Variants in ARHGEF26 observed in about 807,000 individuals in gnomAD.
ARHGEF26 encodes Rho guanine nucleotide exchange factor 26, also known as Rho guanine nucleotide exchange factor (GEF) 26.
A neutral mutation model predicts 89.4 loss-of-function variants in ARHGEF26; 59 were observed. That is an observed-to-expected ratio of 0.66 (90% CI 0.54 to 0.82). The LOEUF (loss-of-function observed/expected upper bound fraction) is 0.82. Among genes scored for constraint, ARHGEF26 ranks in the 40% least tolerant of loss-of-function variants. The pLI is 0.00. For synonymous variants in ARHGEF26, 500 were observed against 428.4 expected (o/e 1.17, Z -2.06); for missense variants, 1,234 against 1,085.6 (o/e 1.14, Z -1.92).
At chr3:154,145,935 A>G (rs537994316) in intron 4 of ARHGEF26, among the ~76,000 whole-genome samples, 1 of 152,324 alleles carries the variant, frequency 6.6e-6, no homozygotes, top group African/African-American at 2.4e-5. Flanking sequence ...GTTCTCTGCA[A>G]GGTGGAGATG....
At chr3:154,145,050 T>A (rs1719617136) in intron 4 of ARHGEF26, among the ~76,000 whole-genome samples, 1 of 152,206 alleles carries the variant, frequency 6.6e-6, no homozygotes, top group Admixed American at 6.5e-5. Context: ...TCTGGCCCTT[T>A]GAAATTTGTG....
At chr3:154,166,073 G>A (rs1219368188) in intron 6 of ARHGEF26, among the ~76,000 whole-genome samples, 1 of 151,952 alleles carries the variant, frequency 6.6e-6, no homozygotes, top group African/African-American at 2.4e-5. Flanking sequence ...ACAGAGTCTC[G>A]CTCTATTGCC....
At chr3:154,246,935 AGTT>A (rs1717833540) in intron 12 of ARHGEF26, among the ~76,000 whole-genome samples, 1 of 152,084 alleles carries the variant, frequency 6.6e-6, no homozygotes, top group African/African-American at 2.4e-5. Context: ...ACGTGCAGTG[AGTT>A]GTTAGCTAGT....
chr3:154,150,445 A>C (rs1254609732), intron 5 of ARHGEF26, among the ~76,000 whole-genome samples: 1 of 152,134 alleles, frequency 6.6e-6, no homozygotes, highest in Admixed American at 6.5e-5. Flanking sequence ...ATACACACAC[A>C]TATTTGTGCA....
At chr3:154,205,075 A>G (rs1323715815) in intron 9 of ARHGEF26, among the ~76,000 whole-genome samples, 2 of 152,162 alleles carry the variant, frequency 1.3e-5, no homozygotes, top group African/African-American at 4.8e-5. Flanking sequence ...TCTGTCTGGA[A>G]GATCTGCCCA....
intron 9 of ARHGEF26, among the ~76,000 whole-genome samples, chr3:154,203,829 C>T (rs942230773): frequency 4.0e-5 from 6 of 150,698 alleles, no homozygotes; most frequent in Middle Eastern, 3.2e-3. Flanking sequence ...GGATAAATCC[C>T]GCTTGGCCAT....
intron 8 of ARHGEF26, 116 bp downstream of exon 8, chr3:154,191,534 C>G: frequency 8.0e-7 from 1 of 1,245,340 alleles, no homozygotes; most frequent in Non-Finnish European, 1.1e-6. Flanking sequence ...TAAAAATCCC[C>G]CAATTAAGTG....
intron 11 of ARHGEF26, among the ~76,000 whole-genome samples, chr3:154,232,457 T>G (rs1190500449): frequency 6.6e-6 from 1 of 152,220 alleles, no homozygotes; most frequent in African/African-American, 2.4e-5. Flanking sequence ...TCTGGATAAA[T>G]ATTGTGCCTT....
chr3:154,133,712 A>G (rs1306894078), intron 4 of ARHGEF26, among the ~76,000 whole-genome samples: 3 of 152,040 alleles, frequency 2.0e-5, no homozygotes, highest in Non-Finnish European at 4.4e-5. Context: ...GGATTTTAGA[A>G]TAGTTTTTTT....
chr3:154,123,502 A>G (rs1305233070), intron 2 of ARHGEF26, among the ~76,000 whole-genome samples: 1 of 152,202 alleles, frequency 6.6e-6, no homozygotes, highest in African/African-American at 2.4e-5. Context: ...TCAGAAAAAT[A>G]CTGATTCCTG....
At chr3:154,189,200 A>T (rs376114) in intron 7 of ARHGEF26, among the ~76,000 whole-genome samples, 77,154 of 151,952 alleles carry the variant, frequency 0.51, 19,794 homozygotes, top group Non-Finnish European at 0.54. Context: ...GCAGGATTTA[A>T]AAAATGTCAC....
At chr3:154,138,209 T>C (rs572614429) in intron 4 of ARHGEF26, among the ~76,000 whole-genome samples, 6 of 152,026 alleles carry the variant, frequency 3.9e-5, no homozygotes, top group African/African-American at 1.4e-4. Context: ...ATAGGCTTTC[T>C]CTGTAGAAAA....
chr3:154,139,207 C>T (rs1405710275), intron 4 of ARHGEF26, among the ~76,000 whole-genome samples: 1 of 152,114 alleles, frequency 6.6e-6, no homozygotes, highest in Non-Finnish European at 1.5e-5. Context: ...GCAGCTGGAA[C>T]ATCTTGATCT....
intron 6 of ARHGEF26, among the ~76,000 whole-genome samples, chr3:154,155,657 C>T (rs1192699807): frequency 6.6e-6 from 1 of 151,892 alleles, no homozygotes; most frequent in Admixed American, 6.6e-5. Context: ...ACTTATAATT[C>T]ATACCAAGCA....
Position 154,239,997 on chromosome 3 carries a change from T to G in ARHGEF26, c.2091-373T>G, listed in dbSNP as rs143146323. ...GAGGTCTTGTTACCCAGAGCATGAG[T>G]AGAAGGCTCCTCCTTCATTCTGCAA... On this transcript the variant is annotated intron_variant, in intron 11 of 14. Coordinates refer to ENST00000465093, the MANE Select transcript of ARHGEF26 (RefSeq NM_015595.4). Among the ~76,000 whole-genome samples the G allele has an allele frequency of 6.7e-4, 102 of 151,996 alleles. 1 individual carries two copies. In the East Asian group the frequency reaches 0.013, roughly 20 times the overall value.
chr3:154,215,204 T>A (rs1715643641), intron 9 of ARHGEF26, among the ~76,000 whole-genome samples: 1 of 152,142 alleles, frequency 6.6e-6, no homozygotes, highest in Admixed American at 6.5e-5. Context: ...TTTGACTCAC[T>A]CAGTCACACA....
At position 154,210,921 on chromosome 3, in the gene ARHGEF26, C is replaced by A. The variant is rs553037396; in HGVS notation, c.1846-6948C>A. On this transcript the variant is annotated intron_variant, in intron 9 of 14. Transcript: ENST00000465093. The stretch of plus-strand genomic sequence containing the variant: ...TCGCACCATTGCACTCTAGCCTGGG[C>A]GACAGATTAAGTCTGTCCCCCCACC... Among the ~76,000 whole-genome samples, 18 of 150,294 alleles carry A rather than the reference C, an allele frequency of 1.2e-4. No homozygotes were observed. In the East Asian group the frequency reaches 2.4e-3, roughly 20 times the overall value.
intron 11 of ARHGEF26, among the ~76,000 whole-genome samples, chr3:154,237,766 C>T (rs1332987774): frequency 6.6e-6 from 1 of 152,192 alleles, no homozygotes; most frequent in Non-Finnish European, 1.5e-5. Flanking sequence ...ACAACGCCTA[C>T]ACACATGTCA....
chr3:154,183,191 C>G (rs1040653443), intron 6 of ARHGEF26, among the ~76,000 whole-genome samples: 1 of 152,080 alleles, frequency 6.6e-6, no homozygotes. Flanking sequence ...AGTTAACAGC[C>G]AAACAGGGCT....
Sources: gnomAD v4.1 joint callset for allele counts (sites outside exome capture counted in the v4.1 genomes callset) on GRCh38, gnomAD v4.1.1 for gene constraint, MANE v1.5 for transcripts, NCBI Gene and HGNC (gene_info 2026-07-23, HGNC 2026-07-21) for gene names.